The following PBX1 variants were observed in gnomAD, a reference collection of about 807,000 sequenced individuals.
PBX1 encodes pre-B-cell leukemia transcription factor 1.
In PBX1, 6 loss-of-function variants were observed where a neutral mutation model predicts 53.4. The observed-to-expected ratio is 0.11, with a 90% CI of 0.06 to 0.22. PBX1 has a LOEUF of 0.22. PBX1 is among the 10% of genes least tolerant of loss of function. PBX1 has a pLI of 1.00. For synonymous variants in PBX1, 204 were observed against 212.3 expected, an observed-to-expected ratio of 0.96 and a Z score of 0.34; for missense variants, 251 against 551.4, an observed-to-expected ratio of 0.46 and a Z score of 5.46.
intron 2 of PBX1, among the ~76,000 whole-genome samples, chr1:164,591,585 T>A (rs1398129171): frequency 1.3e-5 from 2 of 152,238 alleles, no homozygotes; most frequent in South Asian, 4.1e-4. Context: ...TTACTAATGA[T>A]CCTTGCCAAT....
At chr1:164,780,907 C>T (rs949180225) in intron 2 of PBX1, among the ~76,000 whole-genome samples, 3 of 152,128 alleles carry the variant, frequency 2.0e-5, no homozygotes, top group South Asian at 2.1e-4. Flanking sequence ...TCCTGCCATC[C>T]GCTCTTCCCT....
At chr1:164,841,309 G>A (rs190944521) in intron 8 of PBX1, among the ~76,000 whole-genome samples, 2 of 152,290 alleles carry the variant, frequency 1.3e-5, no homozygotes, top group East Asian at 1.9e-4. Context: ...GGCATGAGAC[G>A]GCTGCTCTGT....
rs144733442 is a variant in PBX1, at chr1:164,660,638, C to T, written c.265+97327C>T. ...AGGTCACACTTAGTGGTTATACTGA[C>T]GCCTGCTGCCATTGCTTGCTTTTCT... On this transcript the variant is annotated intron_variant, in intron 2 of 8. Coordinates refer to ENST00000420696, the MANE Select transcript of PBX1 (RefSeq NM_002585.4). Among the ~76,000 whole-genome samples the T allele has an allele frequency of 5.9e-5, 9 of 152,294 alleles. No homozygotes were observed. In the South Asian group the frequency reaches 6.2e-4, roughly 11 times the overall value.
intron 2 of PBX1, among the ~76,000 whole-genome samples, chr1:164,610,752 G>T (rs893353408): frequency 6.6e-6 from 1 of 152,190 alleles, no homozygotes; most frequent in African/African-American, 2.4e-5. Flanking sequence ...AATGTGCTTG[G>T]CCCTCCTGCC....
chr1:164,778,362 G>T (rs565973868), intron 2 of PBX1, among the ~76,000 whole-genome samples: 1 of 152,294 alleles, frequency 6.6e-6, no homozygotes, highest in African/African-American at 2.4e-5. Flanking sequence ...AGACATAATA[G>T]ACCAGGTGCA....
At chr1:164,772,808 T>C (rs959327319) in intron 2 of PBX1, 28 of 152,246 alleles carry the variant, frequency 1.8e-4, no homozygotes, top group African/African-American at 6.8e-4. Flanking sequence ...GTACTTAGCA[T>C]TTAGGCTACC....
chr1:164,863,692 G>A (rs1672148733), intron 2 of PBX1, among the ~76,000 whole-genome samples: 1 of 152,178 alleles, frequency 6.6e-6, no homozygotes, highest in Admixed American at 6.5e-5. Flanking sequence ...CAGAAAGAGA[G>A]TCCTAGGCAG....
intron 2 of PBX1, among the ~76,000 whole-genome samples, chr1:164,681,525 T>C (rs1661773502): frequency 6.6e-6 from 1 of 152,218 alleles, no homozygotes; most frequent in South Asian, 2.1e-4. Flanking sequence ...TGTTCAAAGA[T>C]ACATCATCAC....
At chr1:164,604,686 T>C (rs533526188) in intron 2 of PBX1, among the ~76,000 whole-genome samples, 2 of 152,298 alleles carry the variant, frequency 1.3e-5, no homozygotes, top group African/African-American at 4.8e-5. Flanking sequence ...GCAGACAAAA[T>C]GAACTGCTAG....
intron 2 of PBX1, among the ~76,000 whole-genome samples, chr1:164,611,386 C>T (rs549555321): frequency 2.6e-4 from 40 of 152,224 alleles, no homozygotes; most frequent in Admixed American, 1.7e-3. Flanking sequence ...TACAGGCGCC[C>T]GCCACCACGC....
chr1:164,680,679 T>A (rs936467137), intron 2 of PBX1: 3 of 152,240 alleles, frequency 2.0e-5, no homozygotes, highest in Non-Finnish European at 4.4e-5. Flanking sequence ...ATTGTATACA[T>A]CAAACAGGCT....
chr1:164,682,439 T>G (rs934268460), intron 2 of PBX1: 4 of 152,190 alleles, frequency 2.6e-5, no homozygotes, highest in Admixed American at 2.0e-4. Context: ...GCACTGTTCT[T>G]TGTTCTTGGA....
chr1:164,762,879 T>C (rs1557992133), intron 2 of PBX1, among the ~76,000 whole-genome samples: 1 of 152,234 alleles, frequency 6.6e-6, no homozygotes, highest in African/African-American at 2.4e-5. Flanking sequence ...CTAGTTTTCA[T>C]TTGTCAATCA....
At chr1:164,736,883 TTAAA>T (rs1337883566) in intron 2 of PBX1, among the ~76,000 whole-genome samples, 1 of 152,214 alleles carries the variant, frequency 6.6e-6, no homozygotes, top group Non-Finnish European at 1.5e-5. Flanking sequence ...TTTCACTCTA[TTAAA>T]AGAAAGGAGA....
At chr1:164,584,854 C>T (rs943583457) in intron 2 of PBX1, among the ~76,000 whole-genome samples, 2 of 152,098 alleles carry the variant, frequency 1.3e-5, no homozygotes, top group Non-Finnish European at 2.9e-5. Flanking sequence ...ACAGTTTGGC[C>T]TGTCTCTTCT....
chr1:164,853,571 T>C (rs1034356468), downstream of PBX1, among the ~76,000 whole-genome samples: 1 of 152,160 alleles, frequency 6.6e-6, no homozygotes, highest in East Asian at 1.9e-4. Flanking sequence ...GAAACAGAAG[T>C]CTCCACCTCT....
At chr1:164,812,328 A>C (rs1669653904) in intron 6 of PBX1, among the ~76,000 whole-genome samples, 179 bp downstream of exon 6, 1 of 152,210 alleles carries the variant, frequency 6.6e-6, no homozygotes, top group African/African-American at 2.4e-5. Flanking sequence ...TCCAAAGAGC[A>C]ATCTGTTAGA....
Position 164,871,867 on chromosome 1 carries a change from G to GGGATTTTT in PBX1, n.258-27321_258-27320insGGATTTTT, listed in dbSNP as rs771457169. Among the ~76,000 whole-genome samples, 26 of 152,070 alleles carry GGGATTTTT rather than the reference G, an allele frequency of 1.7e-4. No individual in the cohort carries two copies. In the South Asian group the frequency reaches 5.4e-3, roughly 32 times the overall value. ...CACACCATTCTCTATCATAGCACAT[G>GGGATTTTT]TTTAAACAAACATATACTTGTTTGT... On this transcript the variant is annotated intron_variant and non_coding_transcript_variant, in intron 2 of 2. Coordinates refer to the PBX1 transcript ENST00000558796.
chr1:164,654,842 C>T (rs1056943592), intron 2 of PBX1, among the ~76,000 whole-genome samples: 1 of 152,182 alleles, frequency 6.6e-6, no homozygotes, highest in African/African-American at 2.4e-5. Context: ...ATTTATCGAA[C>T]TGGGTATAAG....
Sources: gnomAD v4.1 joint callset for allele counts (sites outside exome capture counted in the v4.1 genomes callset) on GRCh38, gnomAD v4.1.1 for gene constraint, MANE v1.5 for transcripts, NCBI Gene and HGNC (gene_info 2026-07-23, HGNC 2026-07-21) for gene names.